ITGA8: variants seen among roughly 807,000 people sequenced by gnomAD.
ITGA8 encodes integrin subunit alpha 8, also known as integrin alpha-8.
Under a neutral mutation model 142.3 loss-of-function variants are expected in ITGA8, and 91 were observed. The observed-to-expected ratio is 0.64, with a 90% CI of 0.54 to 0.76. ITGA8 has a LOEUF of 0.76. Among genes scored for constraint, ITGA8 ranks in the 30% least tolerant of loss-of-function variants. The pLI, the probability that ITGA8 is intolerant of heterozygous loss-of-function variation, is 0.00. For missense variants in ITGA8, 1,406 were observed against 1,327.7 expected (o/e 1.06, Z -0.92); for synonymous variants, 505 against 485.2 (o/e 1.04, Z -0.54).
intron 13 of ITGA8, among the ~76,000 whole-genome samples, chr10:15,629,932 C>A (rs1833655072): frequency 6.6e-6 from 1 of 151,894 alleles, no homozygotes; most frequent in Admixed American, 6.6e-5. Context: ...AAACAAACAA[C>A]AATAAAAAAC....
intron 4 of ITGA8, among the ~76,000 whole-genome samples, chr10:15,681,379 CTG>C (rs1266224625): frequency 1.3e-5 from 2 of 152,176 alleles, no homozygotes; most frequent in Non-Finnish European, 2.9e-5. Flanking sequence ...GATGTGAAAA[CTG>C]TGGCTATACA....
intron 14 of ITGA8, 142 bp from the exon 15 acceptor site, chr10:15,613,909 G>T: frequency 1.6e-6 from 1 of 614,312 alleles, no homozygotes. Flanking sequence ...TTTGTGCCAA[G>T]AATTTTGCTC....
rs9333264 is a variant in ITGA8 at position 15,647,393 on chromosome 10, T to TA, written c.1002-343dup. Among the ~76,000 whole-genome samples the TA allele has an allele frequency of 8.3e-3, 1,244 of 150,440 alleles. 7 individuals are homozygous for TA. The highest frequency in any genetic ancestry group is 0.011 in the Non-Finnish European group (774 of 67,756). On this transcript the variant is annotated intron_variant, in intron 11 of 29. Coordinates refer to ENST00000378076, the MANE Select transcript of ITGA8 (RefSeq NM_003638.3). ...CAAGAAAGAACAAAATAGCTTTTTG[T>TA]AAAAATAGATTAGAGTTTGTCTGCA...
chr10:15,542,125 G>A (rs1356064124), intron 27 of ITGA8, among the ~76,000 whole-genome samples: 2 of 152,030 alleles, frequency 1.3e-5, no homozygotes, highest in Admixed American at 6.5e-5. Context: ...CTTTACGAGG[G>A]GATATAAGGA....
At chr10:15,526,842 C>A (rs956694493) in intron 28 of ITGA8, among the ~76,000 whole-genome samples, 1 of 152,158 alleles carries the variant, frequency 6.6e-6, no homozygotes, top group Non-Finnish European at 1.5e-5. Flanking sequence ...AACATTTAAT[C>A]TTACCTTCAT....
intron 2 of ITGA8, among the ~76,000 whole-genome samples, chr10:15,705,031 C>A (rs925392956): frequency 1.4e-4 from 22 of 151,986 alleles, no homozygotes; most frequent in African/African-American, 4.8e-4. Flanking sequence ...AGTCACCATT[C>A]CCAATGTTAC....
At chr10:15,678,089 C>CTCCA (rs982494553) in intron 5 of ITGA8, among the ~76,000 whole-genome samples, 48 of 152,176 alleles carry the variant, frequency 3.2e-4, no homozygotes, top group African/African-American at 1.0e-3. Context: ...AGAGCAAACA[C>CTCCA]TCCAGACTAG....
At chr10:15,622,586 A>G (rs902850098) in intron 13 of ITGA8, among the ~76,000 whole-genome samples, 1 of 21,482 alleles carries the variant, frequency 4.7e-5, no homozygotes, top group Non-Finnish European at 3.5e-4. Flanking sequence ...ACAAAACAAA[A>G]CAAAACAAAA....
chr10:15,622,156 CAAACA>C (rs577945807), intron 13 of ITGA8, among the ~76,000 whole-genome samples: 1 of 152,092 alleles, frequency 6.6e-6, no homozygotes, highest in Admixed American at 6.5e-5. Flanking sequence ...GACTCCATCT[CAAACA>C]AAACAAAACA....
intron 22 of ITGA8, 99 bp downstream of exon 22, chr10:15,592,126 G>T: frequency 2.8e-6 from 2 of 718,946 alleles, no homozygotes; most frequent in East Asian, 2.7e-5. Context: ...AATTTCAGGT[G>T]AGCTTTTAAG....
At chr10:15,519,193 G>C in intron 29 of ITGA8, 97 bp downstream of exon 29, 2 of 1,436,774 alleles carry the variant, frequency 1.4e-6, no homozygotes, top group East Asian at 2.3e-5. Flanking sequence ...TTCCAAAAAT[G>C]CCTCCATAAT....
intron 28 of ITGA8, among the ~76,000 whole-genome samples, chr10:15,527,531 T>C (rs1004547290): frequency 2.0e-5 from 3 of 152,176 alleles, no homozygotes; most frequent in African/African-American, 4.8e-5. Flanking sequence ...AACGATTCAG[T>C]GTTCAGGCAT....
intron 22 of ITGA8, among the ~76,000 whole-genome samples, chr10:15,590,537 T>C (rs1322389341): frequency 6.6e-6 from 1 of 152,200 alleles, no homozygotes; most frequent in Admixed American, 6.5e-5. Flanking sequence ...TTCATGTCAC[T>C]GGAGGATCAA....
intron 11 of ITGA8, among the ~76,000 whole-genome samples, chr10:15,648,799 A>C (rs1282189180): frequency 1.3e-5 from 2 of 152,204 alleles, no homozygotes; most frequent in Non-Finnish European, 2.9e-5. Flanking sequence ...CTGAATCAAA[A>C]GATATCCTGT....
At chr10:15,607,248 A>G (rs575085767) in intron 17 of ITGA8, among the ~76,000 whole-genome samples, 1 of 152,346 alleles carries the variant, frequency 6.6e-6, no homozygotes, top group Admixed American at 6.5e-5. Context: ...TAAATAAGAT[A>G]ATTATAAGTT....
chr10:15,631,360 T>C (rs1049363718), intron 13 of ITGA8, among the ~76,000 whole-genome samples: 11 of 151,946 alleles, frequency 7.2e-5, no homozygotes, highest in Non-Finnish European at 1.6e-4. Context: ...ATGTGACGCA[T>C]ATACACCATG....
In ITGA8 at chr10:15,585,058, G is replaced by A. The variant is rs539945892; in HGVS notation, c.2372+1526C>T. ...AGTCTCAAAGTAAAATAAGATAAAC[G>A]ATGGTATAGTTTTACAGTGTAACAC... On this transcript the variant is annotated intron_variant, in intron 23 of 29. Transcript: ENST00000378076. Among the ~76,000 whole-genome samples the A allele has an allele frequency of 4.6e-5, 7 of 152,204 alleles. No homozygotes were observed. In the South Asian group the frequency reaches 1.2e-3, roughly 27 times the overall value.
chr10:15,684,353 A>AT (rs1339039883), intron 3 of ITGA8, among the ~76,000 whole-genome samples: 3 of 152,030 alleles, frequency 2.0e-5, no homozygotes, highest in Non-Finnish European at 4.4e-5. Context: ...GCAAAAAAAA[A>AT]TGAGTTTTCT....
At chr10:15,718,926 C>G (rs1176831614) in intron 1 of ITGA8, 27 bp from the exon 2 acceptor site, 3 of 1,613,532 alleles carry the variant, frequency 1.9e-6, no homozygotes, top group African/African-American at 1.3e-5. Context: ...GAAAGTCACT[C>G]TTTGGGCGCC....
Sources: gnomAD v4.1 joint callset for allele counts (sites outside exome capture counted in the v4.1 genomes callset) on GRCh38, gnomAD v4.1.1 for gene constraint, MANE v1.5 for transcripts, NCBI Gene and HGNC (gene_info 2026-07-23, HGNC 2026-07-21) for gene names.